RAPGEF2: variants seen among roughly 807,000 people sequenced by gnomAD.
RAPGEF2 encodes the protein PDZ domain containing guanine nucleotide exchange factor (GEF) 1.
In RAPGEF2, 54 loss-of-function variants were observed where a neutral mutation model predicts 186.7. That is an observed-to-expected ratio of 0.29 (90% CI 0.23 to 0.36). The LOEUF is 0.36. Ranked by LOEUF, RAPGEF2 falls within the 10% of genes least tolerant of loss-of-function variation. The pLI, the probability that RAPGEF2 is intolerant of heterozygous loss-of-function variation, is 1.00. For synonymous variants in RAPGEF2, 712 were observed against 705.9 expected, an observed-to-expected ratio of 1.01 and a Z score of -0.14; for missense variants, 1,532 against 2,045.0, an observed-to-expected ratio of 0.75 and a Z score of 4.84.
intron 1 of RAPGEF2, among the ~76,000 whole-genome samples, chr4:159,134,818 T>C (rs997962325): frequency 3.9e-5 from 6 of 152,234 alleles, no homozygotes; most frequent in East Asian, 1.9e-4. Context: ...GAGTCAACTT[T>C]AGGACATTTT....
At chr4:159,285,103 AC>A (rs778276149) in intron 7 of RAPGEF2, among the ~76,000 whole-genome samples, 35 of 152,222 alleles carry the variant, frequency 2.3e-4, no homozygotes, top group Middle Eastern at 6.8e-3. Flanking sequence ...CACCTCTATT[AC>A]TTTTTTTATG....
chr4:159,131,095 TGTGA>T (rs1237895238), intron 1 of RAPGEF2, among the ~76,000 whole-genome samples: 1 of 42,946 alleles, frequency 2.3e-5, no homozygotes, highest in African/African-American at 1.1e-4. Flanking sequence ...TGTGTGTGTG[TGTGA>T]GAGAGAGAGA....
chr4:159,327,504 A>T (rs1198179124), intron 11 of RAPGEF2: 2 of 152,174 alleles, frequency 1.3e-5, no homozygotes, highest in South Asian at 2.1e-4. Context: ...AATACAAAAA[A>T]ATTACCTGGG....
chr4:159,351,161 C>T (rs1312728000), intron 26 of RAPGEF2: 1 of 1,535,258 alleles, frequency 6.5e-7, no homozygotes, highest in Non-Finnish European at 8.7e-7. Context: ...AATAACAATG[C>T]ACCACGGACC....
In RAPGEF2 at chr4:159,122,013, T is replaced by C. The variant is rs192600604; in HGVS notation, c.69+17782T>C. 5.4e-3 allele frequency among the ~76,000 whole-genome samples: 620 copies of C among 115,286 alleles called. 2 individuals carry two copies. Among genetic ancestry groups the C allele is most frequent in the African/African-American group, 0.021 (588 of 28,394 alleles). The allele number at this position is 115,286 out of a possible 152,430, so 75.6% of individuals were successfully genotyped here. ...GAGATCGCACCACTGCACTCCAGCC[T>C]GGGAGACAGAGCAAGACTCCATCTC... On this transcript the variant is annotated intron_variant, in intron 1 of 29. Transcript: ENST00000691494.
intron 7 of RAPGEF2, among the ~76,000 whole-genome samples, chr4:159,256,229 G>A (rs1280400896): frequency 6.6e-6 from 1 of 152,088 alleles, no homozygotes; most frequent in Non-Finnish European, 1.5e-5. Flanking sequence ...TTCCCAGTAT[G>A]GCCCCCTGCA....
At chr4:159,182,386 C>CTTTTTTTTTTTTTTTTTTTTTTT (rs575743979) in intron 1 of RAPGEF2, among the ~76,000 whole-genome samples, 4 of 85,688 alleles carry the variant, frequency 4.7e-5, no homozygotes, top group Non-Finnish European at 6.6e-5. Flanking sequence ...TTCTTTTCTT[C>CTTTTTTTTTTTTTTTTTTTTTTT]TTTTTTTTTT....
At chr4:159,295,332 TTGA>T (rs1761805403) in intron 7 of RAPGEF2, among the ~76,000 whole-genome samples, 1 of 152,130 alleles carries the variant, frequency 6.6e-6, no homozygotes, top group South Asian at 2.1e-4. Context: ...TGAGTGGTTG[TTGA>T]TGGTTGAAAA....
At chr4:159,189,812 T>A (rs1747931702) in intron 2 of RAPGEF2, among the ~76,000 whole-genome samples, 1 of 152,178 alleles carries the variant, frequency 6.6e-6, no homozygotes, top group Non-Finnish European at 1.5e-5. Context: ...ATAGCACTGT[T>A]TAAATTTATT....
intron 4 of RAPGEF2, among the ~76,000 whole-genome samples, chr4:159,229,893 G>A (rs1752442772): frequency 6.6e-6 from 1 of 152,076 alleles, no homozygotes; most frequent in South Asian, 2.1e-4. Flanking sequence ...ATCATTTACT[G>A]GTGGGCTTAA....
chr4:159,299,890 A>G (rs908298326), intron 7 of RAPGEF2, among the ~76,000 whole-genome samples: 2 of 151,920 alleles, frequency 1.3e-5, no homozygotes, highest in Non-Finnish European at 1.5e-5. Flanking sequence ...AATAAAAAAA[A>G]AAGCTATTAT....
At chr4:159,131,937 C>G (rs1282669896) in intron 1 of RAPGEF2, among the ~76,000 whole-genome samples, 2 of 152,004 alleles carry the variant, frequency 1.3e-5, no homozygotes, top group Non-Finnish European at 2.9e-5. Flanking sequence ...GTCTCCTTAC[C>G]AAGAGGATCC....
At chr4:159,110,045 C>T (rs1738320303) in intron 1 of RAPGEF2, among the ~76,000 whole-genome samples, 3 of 152,202 alleles carry the variant, frequency 2.0e-5, no homozygotes, top group Admixed American at 2.0e-4. Flanking sequence ...ATCTGCTGGA[C>T]AGGCTGGCTG....
chr4:159,233,193 C>T (rs1186353322), intron 4 of RAPGEF2, among the ~76,000 whole-genome samples: 1 of 152,142 alleles, frequency 6.6e-6, no homozygotes, highest in Non-Finnish European at 1.5e-5. Flanking sequence ...TTCTCCTGCT[C>T]CTCATGCTTT....
chr4:159,154,521 A>G (rs567992965), intron 1 of RAPGEF2, among the ~76,000 whole-genome samples: 31 of 149,428 alleles, frequency 2.1e-4, no homozygotes, highest in East Asian at 1.4e-3. Context: ...TTTTTTTTTA[A>G]AAAAAACAAC....
chr4:159,288,707 A>G lies in RAPGEF2; in HGVS notation c.544-15635A>G, dbSNP rs145855576. On this transcript the variant is annotated intron_variant, in intron 7 of 29. Coordinates refer to ENST00000691494, the MANE Select transcript of RAPGEF2 (RefSeq NM_001394067.2). ...CAGCCTTTCTCACGCCTTACCTTCCAGTGCATGAACTCCTCAGAACCGTCA... is the reference window on the plus strand; with the variant it reads ...CAGCCTTTCTCACGCCTTACCTTCCGGTGCATGAACTCCTCAGAACCGTCA... Among the ~76,000 whole-genome samples the G allele has an allele frequency of 2.5e-3, 374 of 152,216 alleles. 2 individuals are homozygous for G. Among genetic ancestry groups the G allele is most frequent in the African/African-American group, 8.5e-3 (355 of 41,540 alleles).
rs1749675378 is a variant in RAPGEF2 at position 159,203,627 on chromosome 4, C to T, written c.198-6873C>T. Among the ~76,000 whole-genome samples, 4 of 151,942 alleles carry T rather than the reference C, an allele frequency of 2.6e-5. No homozygotes were observed. In the South Asian group the frequency reaches 8.3e-4, roughly 32 times the overall value. ...GCTAGACTGCAGGTTTGTTCAAAAC[C>T]TTTGTGGCATAGGTGGAAAAAAAAA... On this transcript the variant is annotated intron_variant, in intron 3 of 29. Coordinates refer to ENST00000691494, the MANE Select transcript of RAPGEF2 (RefSeq NM_001394067.2).
chr4:159,127,068 C>T (rs1426447552), intron 1 of RAPGEF2, among the ~76,000 whole-genome samples: 2 of 152,098 alleles, frequency 1.3e-5, no homozygotes, highest in African/African-American at 4.8e-5. Flanking sequence ...CTCTTGTCGC[C>T]CAGGCTGGAG....
At chr4:159,104,625 T>G (rs1737669924) in intron 1 of RAPGEF2, among the ~76,000 whole-genome samples, 1 of 151,838 alleles carries the variant, frequency 6.6e-6, no homozygotes, top group Non-Finnish European at 1.5e-5. Context: ...CCGCCCTCCG[T>G]GGCCTCTGAA....
Sources: gnomAD v4.1 joint callset for allele counts (sites outside exome capture counted in the v4.1 genomes callset) on GRCh38, gnomAD v4.1.1 for gene constraint, MANE v1.5 for transcripts, NCBI Gene and HGNC (gene_info 2026-07-23, HGNC 2026-07-21) for gene names.